CFAP251: variants seen among roughly 807,000 people sequenced by gnomAD.
CFAP251 encodes the protein cilia and flagella associated protein 251, also known as cilia- and flagella-associated protein 251.
CFAP251 carries 93 observed loss-of-function variants against 126.7 expected under a neutral mutation model. The ratio of observed to expected loss-of-function variants is 0.73; its 90% CI spans 0.62 to 0.87. The LOEUF (loss-of-function observed/expected upper bound fraction) is 0.87. Ranked by LOEUF, CFAP251 falls within the 40% of genes least tolerant of loss-of-function variation. The pLI is 0.00. For synonymous variants in CFAP251, 503 were observed against 506.9 expected (o/e 0.99, Z 0.10); for missense variants, 1,287 against 1,389.2 (o/e 0.93, Z 1.17).
At chr12:121,923,585 C>A in intron 2 of CFAP251, 37 bp from the exon 3 acceptor site, 1 of 1,568,416 alleles carries the variant, frequency 6.4e-7, no homozygotes, top group Non-Finnish European at 8.6e-7. Flanking sequence ...TGAGTAGCAG[C>A]ACATATGGAA....
intron 7 of CFAP251, among the ~76,000 whole-genome samples, chr12:121,943,725 T>C (rs2135765731): frequency 6.6e-6 from 1 of 152,322 alleles, no homozygotes; most frequent in East Asian, 1.9e-4. Context: ...GCACCTGGCC[T>C]CAGTAGAGCT....
In CFAP251 at chr12:121,958,455, A is replaced by G. The variant is rs2135782177; in HGVS notation, c.1914A>G (p.Lys638=). 6.2e-7 allele frequency: 1 copy of G among 1,614,262 alleles called. No individual in the cohort carries two copies. The highest frequency in any genetic ancestry group is 2.2e-5 in the East Asian group (1 of 44,890). ...TCAAAGTGTGGAATTATGAAAACAA[A>G]CAATATCTTTTCAGCAGGGTTTTTG... ...GMIKVWNYEN[K]QYLFSRVFEK... The change falls in exon 12 of 22, where the codon AAA becomes AAG. Residue 638 remains lysine, a synonymous_variant. Transcript: ENST00000288912.
chr12:121,952,108 G>A (rs1881550264), intron 9 of CFAP251, among the ~76,000 whole-genome samples: 1 of 151,708 alleles, frequency 6.6e-6, no homozygotes, highest in Admixed American at 6.6e-5. Flanking sequence ...ATATTGACAA[G>A]GAATGAAAGT....
chr12:121,951,162 C>T (rs377355741), intron 8 of CFAP251: 153 of 181,042 alleles, frequency 8.5e-4, no homozygotes, highest in African/African-American at 2.9e-3. Context: ...CGGAGTTTGC[C>T]GTGAGCTGAG....
chr12:121,936,105 C>T (rs535030346), intron 5 of CFAP251, among the ~76,000 whole-genome samples: 3 of 152,204 alleles, frequency 2.0e-5, no homozygotes, highest in Admixed American at 6.5e-5. Context: ...TGAGAGGGGG[C>T]CTTTGGGAAC....
chr12:121,975,561 A>G lies in CFAP251; in HGVS notation c.2882A>G (p.Tyr961Cys), dbSNP rs980698022. ...KFYRELEDYFYYSQLRSQGID... is the reference protein window; with the variant it reads ...KFYRELEDYFCYSQLRSQGID... ...ACATAGGAGCTAGAAGACTACTTCT[A>G]CTATTCTCAGCTCCGCAGTCAAGGC... The change falls in exon 19 of 22, where the codon TAC becomes TGC. Residue 961 changes from tyrosine (Y) to cysteine (C), a missense_variant. Tyr to Cys is a radical substitution (Grantham distance 194). Coordinates refer to ENST00000288912, the MANE Select transcript of CFAP251 (RefSeq NM_144668.6). 4 of 1,608,170 alleles carry G rather than the reference A, an allele frequency of 2.5e-6. No homozygotes were observed. Among genetic ancestry groups the G allele is most frequent in the African/African-American group, 2.7e-5 (2 of 74,440 alleles).
chr12:122,001,714 C>G (rs755982862), intron 21 of CFAP251, 116 bp downstream of exon 21: 31 of 781,132 alleles, frequency 4.0e-5, no homozygotes, highest in Non-Finnish European at 6.3e-5. Context: ...CTGCACATAA[C>G]AAAGCATGTC....
At chr12:121,987,462 C>G (rs1593004470) in intron 19 of CFAP251, among the ~76,000 whole-genome samples, 1 of 152,158 alleles carries the variant, frequency 6.6e-6, no homozygotes, top group Non-Finnish European at 1.5e-5. Context: ...TACCCGTAAT[C>G]CCAGCAGTTT....
chr12:121,969,425 C>G, intron 17 of CFAP251: 1 of 985,348 alleles, frequency 1.0e-6, no homozygotes, highest in African/African-American at 1.7e-5. Context: ...TGCTCCCTGG[C>G]TTGTTGCCTG....
intron 19 of CFAP251, 80 bp downstream of exon 19, chr12:121,975,765 A>C (rs1040001922): frequency 2.7e-6 from 4 of 1,462,432 alleles, no homozygotes; most frequent in African/African-American, 1.4e-5. Flanking sequence ...ATTATAGGTC[A>C]AAGCAAAAAT....
At chr12:121,926,970 C>G (rs1488578428) in intron 3 of CFAP251, among the ~76,000 whole-genome samples, 1 of 152,054 alleles carries the variant, frequency 6.6e-6, no homozygotes, top group Non-Finnish European at 1.5e-5. Context: ...AAAAACTATT[C>G]AGGATTATTT....
intron 15 of CFAP251, among the ~76,000 whole-genome samples, chr12:121,964,145 T>TTTGTTG (rs10581852): frequency 0.027 from 4,083 of 149,850 alleles, 186 homozygotes; most frequent in African/African-American, 0.093. Context: ...CCACCCGGGA[T>TTTGTTG]TTGTTGTTGT....
chr12:121,922,759 C>T (rs886582897), intron 2 of CFAP251, among the ~76,000 whole-genome samples: 1 of 145,026 alleles, frequency 6.9e-6, no homozygotes, highest in African/African-American at 2.6e-5. Flanking sequence ...AACACACCCA[C>T]GTTTGTCCTG....
In CFAP251 at chr12:121,953,985, G is replaced by A. The variant is rs1209677213; in HGVS notation, c.1321-135G>A. The A allele has an allele frequency of 8.1e-6, 7 of 868,130 alleles. No homozygotes were observed. In the South Asian group the frequency reaches 9.1e-5, roughly 11 times the overall value. The allele number at this position is 868,130 out of a possible 1,614,324, so 53.8% of individuals were successfully genotyped here. A position where few individuals can be genotyped will look rare whatever the true frequency, so the allele number is the denominator to read the frequency against. On this transcript the variant is annotated intron_variant, in intron 9 of 21. Transcript: ENST00000288912. ...TGGACCATGGCAATTCATGGGAGAC[G>A]GTTTTAGTGATTGTTTTCTTTTTCT...
chr12:121,964,627 C>T (rs1164467403), intron 15 of CFAP251, among the ~76,000 whole-genome samples: 2 of 152,160 alleles, frequency 1.3e-5, no homozygotes, highest in East Asian at 1.9e-4. Context: ...ACAGTTCAGC[C>T]GGGCGTGGTG....
At chr12:121,992,107 C>T (rs1882889331) in intron 19 of CFAP251, 19 of 645,922 alleles carry the variant, frequency 2.9e-5, no homozygotes, top group Non-Finnish European at 3.7e-5. Context: ...CAATCAAAGG[C>T]CAGGCTGACT....
chr12:121,960,595 T>C lies in CFAP251; in HGVS notation c.2144T>C (p.Phe715Ser), dbSNP rs1488753248. The C allele has an allele frequency of 1.9e-6, 3 of 1,614,026 alleles. No individual in the cohort carries two copies. In the East Asian group the frequency reaches 6.7e-5, roughly 36 times the overall value. The stretch of plus-strand genomic sequence containing the variant: ...TTTGCTCATCTTCAGGATAGAAGTT[T>C]TACTGTGGCTGTTTACATGCTGGTG... The part of the protein sequence containing the change: ...SQYMATADRS[F>S]TVAVYMLVVR... Residue 715 changes from phenylalanine to serine, a missense_variant, in exon 14 of 22, where the codon TTT becomes TCT. Phe to Ser is a radical substitution (Grantham distance 155). Transcript: ENST00000288912.
chr12:121,951,479 G>C lies in CFAP251; in HGVS notation c.1270-1G>C, dbSNP rs150901834. 42 of 1,565,314 alleles carry C rather than the reference G, an allele frequency of 2.7e-5. No homozygotes were observed. In the African/African-American group the frequency reaches 5.4e-4, roughly 20 times the overall value. On this transcript the variant is annotated splice_acceptor_variant, in intron 8 of 21. Transcript: ENST00000288912. LOFTEE classifies it high-confidence loss of function. Reference sequence around the variant, plus strand: ...TAGTGATTATTTTTTCCTCTTATCAGTATGAAGAGAGGGATACACTGGCTC... The same window carrying C: ...TAGTGATTATTTTTTCCTCTTATCACTATGAAGAGAGGGATACACTGGCTC...
In CFAP251 at chr12:122,001,482, C is replaced by T; in HGVS notation, c.3236-15C>T. 2 of 1,609,016 alleles carry T rather than the reference C, an allele frequency of 1.2e-6. No individual in the cohort carries two copies. The highest frequency in any genetic ancestry group is 1.7e-6 in the Non-Finnish European group (2 of 1,175,350). ...CAAGAGTTAAACAATCACCTTCTCA[C>T]TCTTTGACACACAGGTGAGCATATG... On this transcript the variant is annotated splice_polypyrimidine_tract_variant and intron_variant, in intron 20 of 21. Transcript: ENST00000288912.
Sources: gnomAD v4.1 joint callset for allele counts (sites outside exome capture counted in the v4.1 genomes callset) on GRCh38, gnomAD v4.1.1 for gene constraint, MANE v1.5 for transcripts, NCBI Gene and HGNC (gene_info 2026-07-23, HGNC 2026-07-21) for gene names.